Variants in MAGI2 observed in about 807,000 individuals in gnomAD.
MAGI2 encodes the protein membrane-associated guanylate kinase, WW and PDZ domain-containing protein 2.
In MAGI2, 35 loss-of-function variants were observed where a neutral mutation model predicts 133.3. The observed-to-expected ratio is 0.26, with a 90% CI of 0.20 to 0.35. MAGI2 has a LOEUF of 0.35. Among genes scored for constraint, MAGI2 ranks in the 10% least tolerant of loss-of-function variants. The pLI, the probability that MAGI2 is intolerant of heterozygous loss-of-function variation, is 1.00. For synonymous variants in MAGI2, 729 were observed against 710.6 expected (o/e 1.03, Z -0.41); for missense variants, 1,636 against 1,863.4 (o/e 0.88, Z 2.25).
chr7:78,075,627 C>T (rs550279124), intron 21 of MAGI2, among the ~76,000 whole-genome samples: 42 of 152,160 alleles, frequency 2.8e-4, no homozygotes, highest in Non-Finnish European at 4.9e-4. Flanking sequence ...CTGCCCACCT[C>T]GGCCTCCCAA....
chr7:79,143,342 CTGTT>C (rs1326339363), intron 1 of MAGI2, among the ~76,000 whole-genome samples: 5 of 152,174 alleles, frequency 3.3e-5, no homozygotes, highest in African/African-American at 9.7e-5. Flanking sequence ...TGGCAATACT[CTGTT>C]TCAGTATTAA....
intron 2 of MAGI2, among the ~76,000 whole-genome samples, chr7:78,870,891 T>C (rs1375662586): frequency 6.6e-6 from 1 of 152,188 alleles, no homozygotes; most frequent in Non-Finnish European, 1.5e-5. Flanking sequence ...AATAATGGCA[T>C]TCTCTGCAAC....
At chr7:79,328,292 A>G (rs1010604160) in intron 1 of MAGI2, among the ~76,000 whole-genome samples, 1 of 152,154 alleles carries the variant, frequency 6.6e-6, no homozygotes, top group Non-Finnish European at 1.5e-5. Context: ...TGTCTTACTT[A>G]TCTTTCCTGT....
At chr7:78,758,091 A>G (rs925583144) in intron 2 of MAGI2, among the ~76,000 whole-genome samples, 1 of 152,110 alleles carries the variant, frequency 6.6e-6, no homozygotes, top group African/African-American at 2.4e-5. Context: ...CCTCCCTTCT[A>G]AAAATCTCTT....
chr7:78,599,898 C>T (rs1805006187), intron 3 of MAGI2, among the ~76,000 whole-genome samples: 1 of 152,150 alleles, frequency 6.6e-6, no homozygotes, highest in African/African-American at 2.4e-5. Context: ...CTGAATTCTG[C>T]ATTTGCCAGA....
intron 1 of MAGI2, among the ~76,000 whole-genome samples, chr7:79,098,771 A>G (rs1817724651): frequency 6.6e-6 from 1 of 152,194 alleles, no homozygotes; most frequent in South Asian, 2.1e-4. Flanking sequence ...TGGCAGCCAG[A>G]GCCCTGTCTG....
intron 3 of MAGI2, among the ~76,000 whole-genome samples, chr7:78,577,163 T>C (rs894674952): frequency 7.2e-5 from 11 of 152,344 alleles, no homozygotes; most frequent in Non-Finnish European, 1.5e-4. Flanking sequence ...TTCACTAATT[T>C]GGAAATAATA....
At chr7:78,573,632 C>T (rs73701611) in intron 3 of MAGI2, among the ~76,000 whole-genome samples, 1,588 of 150,590 alleles carry the variant, frequency 0.011, 27 homozygotes, top group African/African-American at 0.037. Flanking sequence ...TAGGTTTTGT[C>T]TTTCGGGTTT....
chr7:78,324,772 C>T (rs1488278512), intron 9 of MAGI2, among the ~76,000 whole-genome samples: 2 of 152,042 alleles, frequency 1.3e-5, no homozygotes, highest in South Asian at 2.1e-4. Context: ...ACCAGCCTGG[C>T]CAACATGGTG....
intron 9 of MAGI2, among the ~76,000 whole-genome samples, chr7:78,315,974 T>C (rs1787374605): frequency 6.6e-6 from 1 of 152,192 alleles, no homozygotes; most frequent in Non-Finnish European, 1.5e-5. Flanking sequence ...AACCTTTTCA[T>C]GATGGAAGAT....
chr7:79,441,223 A>C (rs188082738), intron 1 of MAGI2, among the ~76,000 whole-genome samples: 202 of 152,330 alleles, frequency 1.3e-3, no homozygotes, highest in African/African-American at 4.8e-3. Flanking sequence ...ATACTAAGAA[A>C]GTTGGGGAGG....
intron 4 of MAGI2, among the ~76,000 whole-genome samples, chr7:78,519,645 G>A (rs1382411639): frequency 6.6e-6 from 1 of 152,082 alleles, no homozygotes; most frequent in Admixed American, 6.6e-5. Context: ...ATGAATAGAA[G>A]GAAATTTGGC....
At chr7:78,942,573 G>A (rs925451089) in intron 2 of MAGI2, among the ~76,000 whole-genome samples, 2 of 152,066 alleles carry the variant, frequency 1.3e-5, no homozygotes, top group African/African-American at 4.8e-5. Context: ...AATAAAATCA[G>A]GAAGTTGTGT....
intron 6 of MAGI2, among the ~76,000 whole-genome samples, chr7:78,465,094 C>T (rs1250181183): frequency 1.3e-5 from 2 of 152,052 alleles, no homozygotes; most frequent in Non-Finnish European, 2.9e-5. Context: ...AATAATTTAT[C>T]AGGCAAAAAA....
chr7:79,030,184 A>G (rs1168724756), intron 1 of MAGI2: 1 of 152,218 alleles, frequency 6.6e-6, no homozygotes, highest in Non-Finnish European at 1.5e-5. Flanking sequence ...GGAGTTGGTG[A>G]CTGAAATGGA....
chr7:78,088,829 A>G (rs897804424), intron 20 of MAGI2, among the ~76,000 whole-genome samples: 1 of 152,210 alleles, frequency 6.6e-6, no homozygotes, highest in African/African-American at 2.4e-5. Flanking sequence ...GTTCCCTTAC[A>G]TGGCAAAAAG....
intron 1 of MAGI2, among the ~76,000 whole-genome samples, chr7:79,138,868 T>C (rs574403601): frequency 9.7e-4 from 144 of 148,704 alleles, no homozygotes; most frequent in Middle Eastern, 3.6e-3. Context: ...TAGCCGGGTG[T>C]GGTGGTTGGC....
intron 1 of MAGI2, among the ~76,000 whole-genome samples, chr7:79,212,243 T>C (rs889342605): frequency 3.3e-5 from 5 of 152,110 alleles, no homozygotes; most frequent in African/African-American, 1.2e-4. Context: ...ATGCATTTAA[T>C]TGAGCCATTT....
At chr7:79,015,297 T>C (rs1310225160) in intron 1 of MAGI2, among the ~76,000 whole-genome samples, 2 of 150,770 alleles carry the variant, frequency 1.3e-5, no homozygotes, top group East Asian at 3.9e-4. Flanking sequence ...TCTATAAAAA[T>C]GAAAAATTAA....
Sources: allele counts gnomAD v4.1 joint callset (sites outside exome capture counted in the v4.1 genomes callset), GRCh38; gene constraint gnomAD v4.1.1; transcripts MANE v1.5; gene names NCBI Gene and HGNC (gene_info 2026-07-23, HGNC 2026-07-21).